CCDC47: variants seen among roughly 807,000 people sequenced by gnomAD.
CCDC47 encodes the protein PAT complex subunit CCDC47.
Under a neutral mutation model 60.5 loss-of-function variants are expected in CCDC47, and 41 were observed. The observed-to-expected ratio is 0.68, with a 90% CI of 0.53 to 0.88. CCDC47 has a LOEUF of 0.88. CCDC47 is among the 40% of genes least tolerant of loss of function. CCDC47 has a pLI of 0.00. For missense variants in CCDC47, 513 were observed against 580.9 expected (o/e 0.88, Z 1.20); for synonymous variants, 195 against 190.7 (o/e 1.02, Z -0.18).
chr17:63,755,804 A>G (rs1357262964), intron 8 of CCDC47, among the ~76,000 whole-genome samples: 1 of 151,948 alleles, frequency 6.6e-6, no homozygotes, highest in Non-Finnish European at 1.5e-5. Context: ...AGTGAGATCT[A>G]TCACACACAT....
chr17:63,757,783 T>G (rs1268917793), intron 6 of CCDC47, among the ~76,000 whole-genome samples: 1 of 152,204 alleles, frequency 6.6e-6, no homozygotes, highest in Non-Finnish European at 1.5e-5. Flanking sequence ...CCTTTGAATT[T>G]CCTGAATAAC....
At chr17:63,756,406 G>T in intron 7 of CCDC47, 56 bp from the exon 8 acceptor site, 1 of 1,572,806 alleles carries the variant, frequency 6.4e-7, no homozygotes, top group Non-Finnish European at 8.8e-7. Context: ...CAATGAAGCT[G>T]AATATGTGTG....
intron 12 of CCDC47, among the ~76,000 whole-genome samples, chr17:63,751,206 A>C (rs575725833): frequency 6.6e-6 from 1 of 151,386 alleles, no homozygotes; most frequent in South Asian, 2.1e-4. Flanking sequence ...ACCAGCATTT[A>C]CAAGGTCTAA....
At chr17:63,758,788 A>G (rs2039227043) in intron 6 of CCDC47, among the ~76,000 whole-genome samples, 1 of 152,182 alleles carries the variant, frequency 6.6e-6, no homozygotes, top group Non-Finnish European at 1.5e-5. Context: ...ATGTTAATAT[A>G]GGAAAAGAAC....
At chr17:63,753,311 T>C (rs1240123211) in intron 9 of CCDC47, 5 of 558,374 alleles carry the variant, frequency 9.0e-6, no homozygotes, top group Non-Finnish European at 1.1e-5. Context: ...ATGAATCCTT[T>C]GACTATCAAT....
rs1310467643 is a variant in CCDC47 at position 63,745,890 on chromosome 17, C to A, written c.*991G>T. On this transcript the variant is annotated 3_prime_UTR_variant, in exon 13 of 13. Transcript: ENST00000225726. ...GAACTCTCAATAGTTTAGGAAAGCT[C>A]ATTTTCAAAAGTATACTTACACATA... 1.3e-5 allele frequency: 2 copies of A among 152,210 alleles called. No individual in the cohort carries two copies. The highest frequency in any genetic ancestry group is 2.9e-5 in the Non-Finnish European group (2 of 68,040). The allele number at this position is 152,210 out of a possible 1,614,324, so 9.4% of individuals were successfully genotyped here. A position where few individuals can be genotyped will look rare whatever the true frequency, so the allele number is the denominator to read the frequency against.
In CCDC47 at chr17:63,764,173, C is replaced by A. The variant is rs1365566847; in HGVS notation, c.390G>T (p.Gln130His). The A allele has an allele frequency of 2.5e-6, 4 of 1,607,942 alleles. No individual in the cohort carries two copies. The East Asian group carries it at 6.7e-5, about 27-fold the overall frequency. Residue 130 changes from glutamine to histidine, a missense_variant, in exon 4 of 13, where the codon CAG (glutamine) becomes CAT (histidine). Physicochemically the swap from Gln to His is conservative, Grantham distance 24. Transcript: ENST00000225726. ...ITIVDVPAHL[Q>H]NSWESYYLEI... ...CTAGATAATAACTCTCCCAGCTGTT[C>A]TGGAGGTGTGCAGGAACCTAAAAAA...
chr17:63,767,909 T>C (rs1324127173), intron 1 of CCDC47, among the ~76,000 whole-genome samples: 1 of 152,150 alleles, frequency 6.6e-6, no homozygotes, highest in Non-Finnish European at 1.5e-5. Context: ...TGCCTTCTTT[T>C]TCCTTTGAAA....
chr17:63,755,701 C>A (rs2039200324), intron 8 of CCDC47, among the ~76,000 whole-genome samples: 2 of 151,928 alleles, frequency 1.3e-5, no homozygotes, highest in Admixed American at 1.3e-4. Flanking sequence ...CATTACACAA[C>A]CAATAGAAAG....
chr17:63,765,853 A>C (rs1598311322), intron 2 of CCDC47, 59 bp downstream of exon 2: 1 of 1,515,788 alleles, frequency 6.6e-7, no homozygotes, highest in East Asian at 2.3e-5. Context: ...ATTAATTTTA[A>C]TGTTTGGGAA....
At position 63,761,905 on chromosome 17, in the gene CCDC47, C is replaced by T. The variant is rs557260857; in HGVS notation, c.548-554G>A. 2.2e-4 allele frequency: 158 copies of T among 726,562 alleles called. 1 individual carries two copies. In the South Asian group the frequency reaches 3.4e-3, roughly 16 times the overall value. The allele number at this position is 726,562 out of a possible 1,614,324, so 45.0% of individuals were successfully genotyped here. On this transcript the variant is annotated intron_variant, in intron 4 of 12. Transcript: ENST00000225726. ...TCTAAGCACATGCTTGTCAGTTTAA[C>T]GATGATCAGCTTAGAGTATAAGTCT...
Position 63,771,151 on chromosome 17 carries a change from T to C in CCDC47, c.-20+2261A>G, listed in dbSNP as rs113201562. Among the ~76,000 whole-genome samples, 1,054 of 152,004 alleles carry C rather than the reference T, an allele frequency of 6.9e-3. 10 individuals are homozygous for C. Among genetic ancestry groups the C allele is most frequent in the African/African-American group, 0.023 (957 of 41,440 alleles). ...CATAAAGGATAGGCCAACGGTACAG[T>C]AGGCCCTACCCATGGGTTCCACATC... is the stretch of plus-strand genomic sequence containing the variant. On this transcript the variant is annotated intron_variant, in intron 1 of 12. Transcript: ENST00000225726.
At chr17:63,769,471 G>A (rs1409964503) in intron 1 of CCDC47, among the ~76,000 whole-genome samples, 4 of 151,488 alleles carry the variant, frequency 2.6e-5, no homozygotes, top group Non-Finnish European at 4.4e-5. Flanking sequence ...AAAATTAGCC[G>A]GGCATGGTGA....
intron 4 of CCDC47, among the ~76,000 whole-genome samples, chr17:63,763,546 C>T (rs931958426): frequency 6.6e-6 from 1 of 151,894 alleles, no homozygotes; most frequent in Non-Finnish European, 1.5e-5. Context: ...AATAAAAAGG[C>T]CGGGTGCAGT....
chr17:63,766,767 T>C (rs1266208099), intron 1 of CCDC47: 2 of 932,026 alleles, frequency 2.1e-6, no homozygotes, highest in Non-Finnish European at 2.6e-6. Flanking sequence ...TAAAACTCTG[T>C]CCATTTACAT....
intron 4 of CCDC47, chr17:63,762,144 T>C: frequency 1.0e-6 from 1 of 984,672 alleles, no homozygotes; most frequent in South Asian, 4.7e-5. Flanking sequence ...ATTTTAACTC[T>C]AGAAAAAAGC....
intron 11 of CCDC47, 72 bp downstream of exon 11, chr17:63,752,248 G>T: frequency 7.1e-7 from 1 of 1,405,936 alleles, no homozygotes; most frequent in South Asian, 1.2e-5. Context: ...TGAAATCATT[G>T]ATAGCTGCCC....
At position 63,745,319 on chromosome 17, in the gene CCDC47, G is replaced by A. The variant is rs1295319564; in HGVS notation, c.*1562C>T. ...TATGAATGCTTAAGTTACAAAATTA[G>A]CTGCCATGGTCCAAATGTATGGGAC... On this transcript the variant is annotated 3_prime_UTR_variant, in exon 13 of 13. Transcript: ENST00000225726. 1 of 152,520 alleles carries A rather than the reference G, an allele frequency of 6.6e-6. No individual in the cohort carries two copies. The highest frequency in any genetic ancestry group is 2.4e-5 in the African/African-American group (1 of 41,406). The allele number at this position is 152,520 out of a possible 1,614,324, so 9.4% of individuals were successfully genotyped here.
intron 6 of CCDC47, among the ~76,000 whole-genome samples, chr17:63,758,196 A>AT (rs2039222051): frequency 6.6e-6 from 1 of 152,240 alleles, no homozygotes; most frequent in Admixed American, 6.5e-5. Context: ...TCTATGAGCC[A>AT]TTCTAACAAA....
Sources: allele counts gnomAD v4.1 joint callset (sites outside exome capture counted in the v4.1 genomes callset), GRCh38; gene constraint gnomAD v4.1.1; transcripts MANE v1.5; gene names NCBI Gene and HGNC (gene_info 2026-07-23, HGNC 2026-07-21).